Variants in NALF1 observed in about 807,000 individuals in gnomAD.
NALF1 encodes NALCN channel auxiliary factor 1, also known as family with sequence similarity 155 member A.
Under a neutral mutation model 48.4 loss-of-function variants are expected in NALF1, and 3 were observed. The ratio of observed to expected loss-of-function variants is 0.06; its 90% CI spans 0.03 to 0.16. The LOEUF (loss-of-function observed/expected upper bound fraction) is 0.16. NALF1 is among the 10% of genes least tolerant of loss of function. NALF1 has a pLI of 1.00. For missense variants in NALF1, 526 were observed against 571.5 expected, an observed-to-expected ratio of 0.92 and a Z score of 0.81; for synonymous variants, 262 against 245.7, an observed-to-expected ratio of 1.07 and a Z score of -0.62.
chr13:107,408,491 G>A (rs562766504), intron 1 of NALF1, among the ~76,000 whole-genome samples: 4 of 151,916 alleles, frequency 2.6e-5, no homozygotes, highest in African/African-American at 4.8e-5. Flanking sequence ...AGATATTTAC[G>A]AACTTCACTG....
At chr13:107,427,320 T>C (rs184541059) in intron 1 of NALF1, among the ~76,000 whole-genome samples, 3 of 152,138 alleles carry the variant, frequency 2.0e-5, no homozygotes, top group African/African-American at 7.2e-5. Flanking sequence ...TTTTTAATAC[T>C]CTTACTGTAT....
intron 1 of NALF1, among the ~76,000 whole-genome samples, chr13:107,758,129 G>A (rs1027780949): frequency 1.3e-5 from 2 of 152,130 alleles, no homozygotes; most frequent in East Asian, 3.9e-4. Context: ...CTGAGGCAAT[G>A]CAAGAAAAAT....
At chr13:107,649,661 G>A (rs1449263608) in intron 1 of NALF1, among the ~76,000 whole-genome samples, 1 of 152,132 alleles carries the variant, frequency 6.6e-6, no homozygotes, top group African/African-American at 2.4e-5. Context: ...AACAGTCACA[G>A]AAAATAAAAA....
In NALF1 at chr13:107,861,414, A is replaced by C. The variant is rs538334034; in HGVS notation, c.915+4268T>G. ...AACAGTGACATGATATTACAATAGCACTTAGTCAAGAGCAAAATATTTTTG... is the reference window on the plus strand; with the variant it reads ...AACAGTGACATGATATTACAATAGCCCTTAGTCAAGAGCAAAATATTTTTG... On this transcript the variant is annotated intron_variant, in intron 1 of 2. Transcript: ENST00000375915. Among the ~76,000 whole-genome samples, 4 of 152,358 alleles carry C rather than the reference A, an allele frequency of 2.6e-5. No individual in the cohort carries two copies. The South Asian group carries it at 8.3e-4, about 32-fold the overall frequency.
At chr13:107,660,050 G>A (rs1016730229) in intron 1 of NALF1, among the ~76,000 whole-genome samples, 2 of 151,974 alleles carry the variant, frequency 1.3e-5, no homozygotes, top group Admixed American at 6.6e-5. Flanking sequence ...CAGTAAAGTA[G>A]AAGAAATTCT....
intron 2 of NALF1, among the ~76,000 whole-genome samples, chr13:107,209,564 A>C (rs1212188567): frequency 6.6e-6 from 1 of 152,120 alleles, no homozygotes; most frequent in African/African-American, 2.4e-5. Flanking sequence ...CTATCTCTTG[A>C]TAGCTTATCA....
At chr13:107,714,339 A>C (rs548654451) in intron 1 of NALF1, among the ~76,000 whole-genome samples, 2 of 152,072 alleles carry the variant, frequency 1.3e-5, no homozygotes, top group African/African-American at 4.8e-5. Context: ...ACTTGACACT[A>C]TGAAATCCCC....
chr13:107,267,462 CTG>C (rs1318345124), intron 1 of NALF1, among the ~76,000 whole-genome samples: 1 of 152,118 alleles, frequency 6.6e-6, no homozygotes, highest in Non-Finnish European at 1.5e-5. Context: ...AGCGAGAGCG[CTG>C]TGTGTTGTCT....
chr13:107,800,348 T>C (rs1878567715), intron 1 of NALF1, among the ~76,000 whole-genome samples: 1 of 152,022 alleles, frequency 6.6e-6, no homozygotes. Context: ...TTTTTATTGT[T>C]ATTATTATCA....
chr13:107,673,266 G>T (rs1222793300), intron 1 of NALF1, among the ~76,000 whole-genome samples: 1 of 152,114 alleles, frequency 6.6e-6, no homozygotes, highest in African/African-American at 2.4e-5. Flanking sequence ...CAGGGGAAAT[G>T]CTTTAATGAA....
intron 1 of NALF1, among the ~76,000 whole-genome samples, chr13:107,554,999 C>T (rs1195733827): frequency 6.6e-6 from 1 of 152,074 alleles, no homozygotes; most frequent in East Asian, 1.9e-4. Context: ...ACATTTTTCT[C>T]TCTTCTAAAT....
chr13:107,178,946 A>T (rs1328385776), intron 2 of NALF1, among the ~76,000 whole-genome samples: 1 of 148,756 alleles, frequency 6.7e-6, no homozygotes, highest in Non-Finnish European at 1.5e-5. Flanking sequence ...CTCTGTCTCA[A>T]AAAACAAACA....
intron 1 of NALF1, among the ~76,000 whole-genome samples, chr13:107,857,893 T>C (rs1378283416): frequency 6.6e-6 from 1 of 152,222 alleles, no homozygotes; most frequent in Non-Finnish European, 1.5e-5. Flanking sequence ...TCCCATTTAC[T>C]GGGCATCATC....
chr13:107,308,607 T>A (rs1881986822), intron 1 of NALF1, among the ~76,000 whole-genome samples: 1 of 152,170 alleles, frequency 6.6e-6, no homozygotes, highest in Non-Finnish European at 1.5e-5. Flanking sequence ...TTTCCATGAA[T>A]TACAAATAGA....
intron 1 of NALF1, among the ~76,000 whole-genome samples, chr13:107,296,517 A>C (rs1881730015): frequency 6.6e-6 from 1 of 152,206 alleles, no homozygotes; most frequent in Admixed American, 6.5e-5. Context: ...TTAGCTGCCA[A>C]CTTCAAAACT....
intron 1 of NALF1, among the ~76,000 whole-genome samples, chr13:107,700,008 G>C (rs779315484): frequency 6.6e-6 from 1 of 151,840 alleles, no homozygotes; most frequent in Non-Finnish European, 1.5e-5. Context: ...CATTAAAGAC[G>C]CAAAGAAATA....
At chr13:107,220,297 A>G (rs1033667681) in intron 1 of NALF1, among the ~76,000 whole-genome samples, 10 of 152,124 alleles carry the variant, frequency 6.6e-5, no homozygotes, top group Admixed American at 5.2e-4. Flanking sequence ...ATGAATGCAA[A>G]CCCCTTTTGT....
At chr13:107,794,598 T>G (rs1878357269) in intron 1 of NALF1, among the ~76,000 whole-genome samples, 1 of 150,814 alleles carries the variant, frequency 6.6e-6, no homozygotes. Flanking sequence ...ACACCTGATA[T>G]GCAATGCCAG....
chr13:107,708,538 T>G (rs186760605), intron 1 of NALF1, among the ~76,000 whole-genome samples: 19 of 129,968 alleles, frequency 1.5e-4, no homozygotes, highest in African/African-American at 5.3e-4. Context: ...TTAAGAGAGA[T>G]ATAGGTCAAG....
Sources: allele counts gnomAD v4.1 joint callset (sites outside exome capture counted in the v4.1 genomes callset), GRCh38; gene constraint gnomAD v4.1.1; transcripts MANE v1.5; gene names NCBI Gene and HGNC (gene_info 2026-07-23, HGNC 2026-07-21).